The following SGSM1 variants were observed in gnomAD, a reference collection of about 807,000 sequenced individuals.
SGSM1 encodes small G protein signaling modulator 1.
In SGSM1, 73 loss-of-function variants were observed where a neutral mutation model predicts 133.8. The ratio of observed to expected loss-of-function variants is 0.55; its 90% CI spans 0.45 to 0.66. The LOEUF (loss-of-function observed/expected upper bound fraction) is 0.66. Among genes scored for constraint, SGSM1 ranks in the 30% least tolerant of loss-of-function variants. The probability of loss-of-function intolerance (pLI) is 0.00; values close to 1 mark genes in which losing one functional copy is unlikely to be tolerated. For missense variants in SGSM1, 1,213 were observed against 1,448.1 expected (o/e 0.84, Z 2.64); for synonymous variants, 563 against 573.0 (o/e 0.98, Z 0.25).
intron 12 of SGSM1, 81 bp downstream of exon 12, chr22:24,868,936 A>G: frequency 6.4e-7 from 1 of 1,552,046 alleles, no homozygotes; most frequent in Non-Finnish European, 8.7e-7. Context: ...AAACTAGAAG[A>G]TGACAGGTCT....
chr22:24,898,185 C>G lies in SGSM1; in HGVS notation c.2236C>G (p.Pro746Ala), dbSNP rs1474186276. 1 of 1,613,932 alleles carries G rather than the reference C, an allele frequency of 6.2e-7. No homozygotes were observed. The highest frequency in any genetic ancestry group is 1.7e-5 in the Admixed American group (1 of 60,018). ...DSVLDAQRNT[P>A]TVLRPRDGSV... The stretch of plus-strand genomic sequence containing the variant: ...TGTCTTGGACGCCCAGCGGAACACC[C>G]CCACGGTGCTGCGACCTAGGGATGG... Residue 746 changes from proline to alanine, a missense_variant, in exon 19 of 25, where the codon CCC (proline) becomes GCC (alanine). By Grantham distance (27) the Pro-to-Ala change is conservative. Transcript: ENST00000400358.
intron 21 of SGSM1, among the ~76,000 whole-genome samples, chr22:24,910,547 T>C (rs1236404647): frequency 6.6e-6 from 1 of 152,094 alleles, no homozygotes; most frequent in Non-Finnish European, 1.5e-5. Context: ...CTCAGGAGGC[T>C]AAGACAAGAG....
intron 18 of SGSM1, 64 bp from the exon 19 acceptor site, chr22:24,897,908 G>A (rs1014255200): frequency 7.2e-7 from 1 of 1,391,912 alleles, no homozygotes; most frequent in African/African-American, 1.4e-5. Flanking sequence ...TGTTTAGGTT[G>A]CTGATGTAAG....
At chr22:24,845,941 T>TTTTCTTTCTTTCTTTTCTTTCTTTC (rs1555924221) in intron 3 of SGSM1, among the ~76,000 whole-genome samples, 1 of 115,622 alleles carries the variant, frequency 8.6e-6, no homozygotes, top group African/African-American at 3.4e-5. Flanking sequence ...TTTTCTTTTC[T>TTTTCTTTCTTTCTTTTCTTTCTTTC]TTTCTTTCTT....
rs1204299547 is a variant in SGSM1, at chr22:24,866,024, C to T, written c.927-1069C>T. ...CTCTGAAGTTAATCCGCTCTGCTCCCCTCAGCAAGGTCTTCTGAAGGAGAT... is the reference window on the plus strand; with the variant it reads ...CTCTGAAGTTAATCCGCTCTGCTCCTCTCAGCAAGGTCTTCTGAAGGAGAT... On this transcript the variant is annotated intron_variant, in intron 9 of 24. Transcript: ENST00000400358. Among the ~76,000 whole-genome samples, 6 of 152,224 alleles carry T rather than the reference C, an allele frequency of 3.9e-5. No homozygotes were observed. In the East Asian group the frequency reaches 1.2e-3, roughly 29 times the overall value.
At chr22:24,921,736 G>A (rs554390264) in intron 24 of SGSM1, among the ~76,000 whole-genome samples, 1 of 148,262 alleles carries the variant, frequency 6.7e-6, no homozygotes, top group East Asian at 2.0e-4. Context: ...TTTCACTCTT[G>A]TTGCCCAGGC....
intron 2 of SGSM1, among the ~76,000 whole-genome samples, chr22:24,809,989 T>G (rs905812119): frequency 6.6e-6 from 1 of 151,950 alleles, no homozygotes; most frequent in Non-Finnish European, 1.5e-5. Flanking sequence ...GGCAGAAGGT[T>G]TTGTACATGC....
At chr22:24,865,818 G>A (rs756360807) in intron 9 of SGSM1, among the ~76,000 whole-genome samples, 19 of 152,184 alleles carry the variant, frequency 1.2e-4, no homozygotes, top group Non-Finnish European at 2.1e-4. Context: ...GACACAGCAT[G>A]GCTCTAAGAA....
intron 12 of SGSM1, 88 bp from the exon 13 acceptor site, chr22:24,876,489 G>C: frequency 3.9e-6 from 6 of 1,551,190 alleles, no homozygotes; most frequent in Non-Finnish European, 5.3e-6. Context: ...GCTGGGGCGG[G>C]TGAGCTGCTT....
chr22:24,816,765 G>C (rs1465632987), intron 2 of SGSM1, among the ~76,000 whole-genome samples: 1 of 152,148 alleles, frequency 6.6e-6, no homozygotes, highest in Non-Finnish European at 1.5e-5. Context: ...ACTGTCTCTT[G>C]CCATCTCTCT....
Position 24,867,085 on chromosome 22 carries a change from G to T in SGSM1, c.927-8G>T. ...GTCCTGCAAGCCTGACCCTCCGTCC[G>T]CTTCCAGCGTCTACTGGGACTATGC... is the stretch of plus-strand genomic sequence containing the variant. On this transcript the variant is annotated splice_region_variant and splice_polypyrimidine_tract_variant and intron_variant, in intron 9 of 24. Coordinates refer to ENST00000400358, the MANE Select transcript of SGSM1 (RefSeq NM_001098497.3). The T allele has an allele frequency of 3.1e-6, 5 of 1,613,172 alleles. No homozygotes were observed. Among genetic ancestry groups the T allele is most frequent in the Non-Finnish European group, 4.2e-6 (5 of 1,179,674 alleles).
At position 24,825,810 on chromosome 22, in the gene SGSM1, G is replaced by A. The variant is rs1321430265; in HGVS notation, c.64-19087G>A. On this transcript the variant is annotated intron_variant, in intron 2 of 24. Transcript: ENST00000400358. Reference sequence around the variant, plus strand: ...ATCCCCTCCACTGCCAGTTTCTTCCGGAGGTAAGCGTCAGGGAGCCCATGT... The same window carrying A: ...ATCCCCTCCACTGCCAGTTTCTTCCAGAGGTAAGCGTCAGGGAGCCCATGT... Among the ~76,000 whole-genome samples the A allele has an allele frequency of 5.3e-5, 8 of 152,274 alleles. 1 individual carries two copies. In the South Asian group the frequency reaches 1.2e-3, roughly 24 times the overall value.
intron 14 of SGSM1, among the ~76,000 whole-genome samples, chr22:24,883,208 C>T (rs1463909725): frequency 1.3e-5 from 2 of 152,132 alleles, no homozygotes; most frequent in Non-Finnish European, 2.9e-5. Context: ...ACGGCCACCA[C>T]GGTTTCTTTA....
chr22:24,807,010 T>C (rs930123628), intron 2 of SGSM1, among the ~76,000 whole-genome samples: 2 of 151,814 alleles, frequency 1.3e-5, no homozygotes, highest in Non-Finnish European at 2.9e-5. Context: ...TCCCTGAGAG[T>C]CACGGGTCAG....
rs533070921 is a variant in SGSM1, at chr22:24,853,254, C to T, written c.456-1742C>T. Among the ~76,000 whole-genome samples, 10 of 152,334 alleles carry T rather than the reference C, an allele frequency of 6.6e-5. No homozygotes were observed. In the East Asian group the frequency reaches 1.9e-3, roughly 29 times the overall value. On this transcript the variant is annotated intron_variant, in intron 5 of 24. Coordinates refer to ENST00000400358, the MANE Select transcript of SGSM1 (RefSeq NM_001098497.3). Reference sequence around the variant, plus strand: ...ACTTCCTTCTGTATGTTGGCAAGAGCTGAGCCATGTGGGCTCAGCCCAAGC... The same window carrying T: ...ACTTCCTTCTGTATGTTGGCAAGAGTTGAGCCATGTGGGCTCAGCCCAAGC...
At chr22:24,831,161 C>A (rs933574779) in intron 2 of SGSM1, among the ~76,000 whole-genome samples, 1 of 151,642 alleles carries the variant, frequency 6.6e-6, no homozygotes, top group South Asian at 2.1e-4. Context: ...GGAGGAGGTG[C>A]TCTTAGGATC....
chr22:24,893,079 C>T (rs1207234583), intron 16 of SGSM1, among the ~76,000 whole-genome samples: 8 of 130,928 alleles, frequency 6.1e-5, no homozygotes, highest in Non-Finnish European at 1.1e-4. Context: ...AGGAAGGAAG[C>T]GGAGGGGGGG....
At chr22:24,894,375 G>A (rs566985788) in intron 17 of SGSM1, among the ~76,000 whole-genome samples, 18 of 152,328 alleles carry the variant, frequency 1.2e-4, no homozygotes, top group African/African-American at 4.1e-4. Flanking sequence ...CACGGGCAAC[G>A]AGCGAAACTC....
At chr22:24,899,757 G>A (rs574083557) in intron 19 of SGSM1, among the ~76,000 whole-genome samples, 2 of 152,018 alleles carry the variant, frequency 1.3e-5, no homozygotes, top group South Asian at 2.1e-4. Flanking sequence ...TGCTGACCTC[G>A]TGATCTGCCT....
Sources: allele counts gnomAD v4.1 joint callset (sites outside exome capture counted in the v4.1 genomes callset), GRCh38; gene constraint gnomAD v4.1.1; transcripts MANE v1.5; gene names NCBI Gene and HGNC (gene_info 2026-07-23, HGNC 2026-07-21).